Variants in MDGA2 observed in about 807,000 individuals in gnomAD.
The protein encoded by MDGA2 is MAM domain-containing glycosylphosphatidylinositol anchor protein 2.
Under a neutral mutation model 117.8 loss-of-function variants are expected in MDGA2, and 40 were observed. That is an observed-to-expected ratio of 0.34 (90% CI 0.26 to 0.44). The LOEUF (loss-of-function observed/expected upper bound fraction) is 0.44, where lower values mean the gene tolerates loss of function less well. Among genes scored for constraint, MDGA2 ranks in the 20% least tolerant of loss-of-function variants. The pLI is 1.00. For synonymous variants in MDGA2, 452 were observed against 439.0 expected (o/e 1.03, Z -0.37); for missense variants, 1,123 against 1,250.6 (o/e 0.90, Z 1.54).
At position 47,342,297 on chromosome 14, in the gene MDGA2, TATAA is replaced by T. The variant is rs1399753875; in HGVS notation, c.281-40751_281-40748del. The stretch of plus-strand genomic sequence containing the variant: ...ATATATATATAAAATATGTTATATA[TATAA>T]ATATGTGTGTATATATATTTATATA... On this transcript the variant is annotated intron_variant, in intron 1 of 16. Transcript: ENST00000399232. Among the ~76,000 whole-genome samples, 8 of 148,032 alleles carry T rather than the reference TATAA, an allele frequency of 5.4e-5. No individual in the cohort carries two copies. In the East Asian group the frequency reaches 5.9e-4, roughly 11 times the overall value.
intron 3 of MDGA2, among the ~76,000 whole-genome samples, chr14:47,203,334 T>A (rs1192238369): frequency 6.6e-6 from 1 of 151,840 alleles, no homozygotes; most frequent in East Asian, 1.9e-4. Context: ...TGGGAGTTGA[T>A]GACAGATGGG....
chr14:47,036,066 G>A (rs1224603887), intron 7 of MDGA2, among the ~76,000 whole-genome samples: 1 of 151,696 alleles, frequency 6.6e-6, no homozygotes, highest in African/African-American at 2.4e-5. Context: ...TCAGGAGATC[G>A]AGACCATCCT....
chr14:46,870,768 C>A (rs1434412827), intron 14 of MDGA2, among the ~76,000 whole-genome samples: 3 of 151,934 alleles, frequency 2.0e-5, no homozygotes, highest in Non-Finnish European at 2.9e-5. Flanking sequence ...GTCAACTGGA[C>A]ATCCATTGAC....
intron 5 of MDGA2, among the ~76,000 whole-genome samples, chr14:47,100,133 T>C (rs543473187): frequency 1.2e-3 from 179 of 152,114 alleles, no homozygotes; most frequent in Admixed American, 2.1e-3. Flanking sequence ...ACATTTCAAA[T>C]AAATAATTAT....
At position 47,315,330 on chromosome 14, in the gene MDGA2, C is replaced by A. The variant is rs147683784; in HGVS notation, c.281-13780G>T. 1.1e-3 allele frequency among the ~76,000 whole-genome samples: 168 copies of A among 152,176 alleles called. 3 individuals carry two copies. The East Asian group carries it at 0.024, about 21-fold the overall frequency. On this transcript the variant is annotated intron_variant, in intron 1 of 16. Transcript: ENST00000399232. ...GACTTGTCTTAAATTTTGTTTCTGG[C>A]CTTCAGAAAGCTCACCCTCTTCTTT...
intron 2 of MDGA2, among the ~76,000 whole-genome samples, chr14:47,243,645 C>T (rs949545805): frequency 1.3e-5 from 2 of 151,358 alleles, no homozygotes; most frequent in African/African-American, 2.4e-5. Context: ...CCTGAGCCAG[C>T]GAGACCACGA....
At chr14:47,106,671 C>A (rs928573151) in intron 5 of MDGA2, among the ~76,000 whole-genome samples, 2 of 152,142 alleles carry the variant, frequency 1.3e-5, no homozygotes, top group African/African-American at 2.4e-5. Flanking sequence ...ACTGCCCGAT[C>A]GCCTCGGAAG....
intron 1 of MDGA2, among the ~76,000 whole-genome samples, chr14:47,484,766 C>A (rs565077553): frequency 1.3e-5 from 2 of 152,056 alleles, no homozygotes; most frequent in South Asian, 2.1e-4. Context: ...ATGGCTCTCA[C>A]GAGAGCTGAT....
At chr14:47,643,495 C>T (rs530332436) in intron 1 of MDGA2, among the ~76,000 whole-genome samples, 2 of 152,122 alleles carry the variant, frequency 1.3e-5, no homozygotes, top group African/African-American at 4.8e-5. Context: ...TTCCTAGATA[C>T]CCATCCCCTA....
chr14:47,603,695 C>G (rs954629545), intron 1 of MDGA2, among the ~76,000 whole-genome samples: 4 of 152,032 alleles, frequency 2.6e-5, no homozygotes, highest in African/African-American at 9.7e-5. Flanking sequence ...CTACCCAGCA[C>G]CCATAGTCTC....
intron 8 of MDGA2, among the ~76,000 whole-genome samples, chr14:46,999,440 AAATT>A (rs1887423878): frequency 6.6e-6 from 1 of 152,102 alleles, no homozygotes; most frequent in African/African-American, 2.4e-5. Context: ...AATAGGCACA[AAATT>A]ACTAGATTCT....
At chr14:46,982,734 A>AAAAAAAAAAAAAAAAAATAAT (rs1449356596) in intron 8 of MDGA2, among the ~76,000 whole-genome samples, 7 of 130,322 alleles carry the variant, frequency 5.4e-5, no homozygotes, top group Non-Finnish European at 1.2e-4. Context: ...AAAAAAAAAA[A>AAAAAAAAAAAAAAAAAATAAT]AATCATGTCA....
intron 2 of MDGA2, among the ~76,000 whole-genome samples, chr14:47,300,940 G>T (rs1889257907): frequency 6.6e-6 from 1 of 152,062 alleles, no homozygotes; most frequent in South Asian, 2.1e-4. Flanking sequence ...GTTTTTCAAG[G>T]TTTTCTATGA....
intron 1 of MDGA2, among the ~76,000 whole-genome samples, chr14:47,429,903 A>G (rs992621508): frequency 2.7e-5 from 4 of 150,688 alleles, no homozygotes; most frequent in African/African-American, 9.8e-5. Flanking sequence ...TGGGGGGACC[A>G]TAACATTACA....
intron 3 of MDGA2, among the ~76,000 whole-genome samples, chr14:47,152,222 T>C (rs990563493): frequency 2.0e-5 from 3 of 152,164 alleles, no homozygotes; most frequent in African/African-American, 7.2e-5. Context: ...GTAAGAGAAA[T>C]GTTCCAAGAC....
intron 10 of MDGA2, among the ~76,000 whole-genome samples, chr14:46,917,708 C>A (rs955681923): frequency 1.3e-5 from 2 of 152,086 alleles, no homozygotes; most frequent in Non-Finnish European, 2.9e-5. Flanking sequence ...ATGTGTGTCA[C>A]TGCGTATCAG....
intron 2 of MDGA2, among the ~76,000 whole-genome samples, chr14:47,295,029 C>T (rs1001886407): frequency 6.6e-6 from 1 of 152,164 alleles, no homozygotes; most frequent in Non-Finnish European, 1.5e-5. Flanking sequence ...AGCAAATGCT[C>T]ACTAAGGTTA....
intron 6 of MDGA2, among the ~76,000 whole-genome samples, chr14:47,066,737 GA>G (rs373684616): frequency 0.025 from 3,803 of 149,204 alleles, 119 homozygotes; most frequent in African/African-American, 0.071. Context: ...ATGGAAGAAG[GA>G]AAAAAAAAAC....
intron 2 of MDGA2, among the ~76,000 whole-genome samples, chr14:47,235,892 G>T (rs1036414030): frequency 6.6e-6 from 1 of 152,112 alleles, no homozygotes; most frequent in African/African-American, 2.4e-5. Flanking sequence ...TGGCTGCTCA[G>T]GAAGCCATAT....
Sources: gnomAD v4.1 joint callset for allele counts (sites outside exome capture counted in the v4.1 genomes callset) on GRCh38, gnomAD v4.1.1 for gene constraint, MANE v1.5 for transcripts, NCBI Gene and HGNC (gene_info 2026-07-23, HGNC 2026-07-21) for gene names.